ZNF654: variants seen among roughly 807,000 people sequenced by gnomAD.
ZNF654 encodes zinc finger protein 654.
A neutral mutation model predicts 95.3 loss-of-function variants in ZNF654; 19 were observed. The ratio of observed to expected loss-of-function variants is 0.20; its 90% CI spans 0.14 to 0.29. The LOEUF is 0.29. ZNF654 is among the 10% of genes least tolerant of loss of function. The probability of loss-of-function intolerance (pLI) is 1.00; values close to 1 mark genes in which losing one functional copy is unlikely to be tolerated. For missense variants in ZNF654, 1,046 were observed against 1,341.0 expected (o/e 0.78, Z 3.44); for synonymous variants, 413 against 457.9 (o/e 0.90, Z 1.25).
At chr3:88,127,337 G>A (rs575250760) in intron 4 of ZNF654, among the ~76,000 whole-genome samples, 4 of 152,212 alleles carry the variant, frequency 2.6e-5, no homozygotes, top group South Asian at 2.1e-4. Flanking sequence ...GGGATGGGAG[G>A]TGGGACAAGA....
chr3:88,091,422 A>T (rs1294393519), intron 2 of ZNF654, among the ~76,000 whole-genome samples: 1 of 152,240 alleles, frequency 6.6e-6, no homozygotes, highest in Admixed American at 6.5e-5. Context: ...ATTATTCGTA[A>T]GGAAGAAGTA....
chr3:88,077,233 A>G (rs1707854505), intron 1 of ZNF654, among the ~76,000 whole-genome samples: 1 of 152,034 alleles, frequency 6.6e-6, no homozygotes, highest in Non-Finnish European at 1.5e-5. Flanking sequence ...TTCTCAACTC[A>G]TCTCTGTTTC....
Position 88,139,814 on chromosome 3 carries a change from T to C in ZNF654, c.2145T>C (p.Tyr715=), listed in dbSNP as rs747216698. ...DEEGDYEEDD[Y]DLNQETSVIH... is the part of the protein sequence containing the mutation. Reference sequence around the variant, plus strand: ...AAGGTGATTATGAAGAAGATGATTATGACCTGAATCAAGAAACTTCAGTAA... The same window carrying C: ...AAGGTGATTATGAAGAAGATGATTACGACCTGAATCAAGAAACTTCAGTAA... The change falls in exon 8 of 9, where the codon TAT becomes TAC. Residue 715 remains tyrosine (Y), a synonymous_variant. Coordinates refer to ENST00000636215, the MANE Select transcript of ZNF654 (RefSeq NM_001350134.2). 7 of 1,561,472 alleles carry C rather than the reference T, an allele frequency of 4.5e-6. No individual in the cohort carries two copies. The East Asian group carries it at 1.4e-4, about 32-fold the overall frequency.
At chr3:88,121,317 C>T (rs746356517) in intron 3 of ZNF654, among the ~76,000 whole-genome samples, 1 of 151,972 alleles carries the variant, frequency 6.6e-6, no homozygotes, top group Non-Finnish European at 1.5e-5. Context: ...ATTTTTTCAA[C>T]AGAAAATTCT....
chr3:88,100,834 T>C (rs1027341433), intron 2 of ZNF654, among the ~76,000 whole-genome samples: 3 of 152,090 alleles, frequency 2.0e-5, no homozygotes, highest in Admixed American at 6.6e-5. Context: ...CGGGGAGGGA[T>C]AGCATCAGGA....
chr3:88,116,661 C>A (rs1457327729), intron 3 of ZNF654, among the ~76,000 whole-genome samples: 1 of 151,368 alleles, frequency 6.6e-6, no homozygotes, highest in Non-Finnish European at 1.5e-5. Flanking sequence ...TTCATGAGAG[C>A]ATTCTTCCCA....
In ZNF654 at chr3:88,140,386, A is replaced by G. The variant is rs1177981253; in HGVS notation, c.2717A>G (p.Gln906Arg). Residue 906 changes from glutamine (Q) to arginine (R), a missense_variant, in exon 8 of 9, where the codon CAA (glutamine) becomes CGA (arginine). By Grantham distance (43) the Gln-to-Arg change is conservative. Around this residue, in one of 9 missense-constraint regions of ZNF654, gnomAD observed 495 missense variants for 537.0 expected, o/e 0.92. Transcript: ENST00000636215. Reference sequence around the variant, plus strand: ...AAAGACTCATCTAGTAATGAGAAACAAACTATTAGTCTGCCAGTTTCTACT... The same window carrying G: ...AAAGACTCATCTAGTAATGAGAAACGAACTATTAGTCTGCCAGTTTCTACT... ...QEKDSSSNEK[Q>R]TISLPVSTSK... The G allele has an allele frequency of 6.2e-7, 1 of 1,613,104 alleles. No homozygotes were observed. Among genetic ancestry groups the G allele is most frequent in the African/African-American group, 1.3e-5 (1 of 74,884 alleles).
chr3:88,059,516 C>T lies in ZNF654; in HGVS notation c.186+11C>T, dbSNP rs1390036637. The T allele has an allele frequency of 6.8e-7, 1 of 1,462,894 alleles. No individual in the cohort carries two copies. Among genetic ancestry groups the T allele is most frequent in the Non-Finnish European group, 9.0e-7 (1 of 1,115,584 alleles). 90.6% of individuals were successfully genotyped at this position (1,462,894 alleles called of 1,614,324 possible). ...CGACGCTTCTGTCAGGTGAGGCGTCCGTTGGCCGCCCCGACTTGTCACCCG... is the reference window on the plus strand; with the variant it reads ...CGACGCTTCTGTCAGGTGAGGCGTCTGTTGGCCGCCCCGACTTGTCACCCG... On this transcript the variant is annotated intron_variant, in intron 1 of 8. Transcript: ENST00000636215.
At chr3:88,088,759 T>C (rs1708475469) in intron 2 of ZNF654, among the ~76,000 whole-genome samples, 1 of 142,016 alleles carries the variant, frequency 7.0e-6, no homozygotes, top group African/African-American at 2.5e-5. Flanking sequence ...TATGTATGTA[T>C]GTATGGATGG....
chr3:88,139,476 A>C lies in ZNF654; in HGVS notation c.1807A>C (p.Ile603Leu). ...NHVKKIQRQQIAAAQQDDQEV... is the reference protein window; with the variant it reads ...NHVKKIQRQQLAAAQQDDQEV... ...TGTTAAGAAGATACAGAGGCAGCAA[A>C]TTGCTGCAGCTCAACAGGATGATCA... is the stretch of plus-strand genomic sequence containing the variant. The change falls in exon 8 of 9, where the codon ATT (isoleucine) becomes CTT (leucine). Residue 603 changes from isoleucine to leucine, a missense_variant. Physicochemically the swap from Ile to Leu is conservative, Grantham distance 5. This residue lies in a region of ZNF654 where 495 missense variants were observed against 537.0 expected (regional missense o/e 0.92). Transcript: ENST00000636215. The C allele has an allele frequency of 6.2e-7, 1 of 1,613,800 alleles. No individual in the cohort carries two copies. Among genetic ancestry groups the C allele is most frequent in the African/African-American group, 1.3e-5 (1 of 75,062 alleles).
At chr3:88,116,561 T>TACACACACACACAC (rs61470020) in intron 3 of ZNF654, among the ~76,000 whole-genome samples, 10 of 151,030 alleles carry the variant, frequency 6.6e-5, no homozygotes, top group African/African-American at 2.2e-4. Flanking sequence ...TACATATATA[T>TACACACACACACAC]ACACACACAC....
intron 2 of ZNF654, among the ~76,000 whole-genome samples, chr3:88,087,230 A>G (rs2107665171): frequency 6.6e-6 from 1 of 151,416 alleles, no homozygotes; most frequent in South Asian, 2.1e-4. Context: ...GGTGTGCACC[A>G]CCATGCCTGG....
intron 1 of ZNF654, among the ~76,000 whole-genome samples, chr3:88,061,546 G>C (rs1381479885): frequency 6.6e-6 from 1 of 152,068 alleles, no homozygotes; most frequent in Admixed American, 6.5e-5. Context: ...TGAGAGATCT[G>C]CTCTGAGGTT....
At chr3:88,064,876 T>C (rs559922423) in intron 1 of ZNF654, among the ~76,000 whole-genome samples, 1 of 152,352 alleles carries the variant, frequency 6.6e-6, no homozygotes, top group African/African-American at 2.4e-5. Context: ...AATAATAATA[T>C]GAAAGATGAA....
At chr3:88,120,074 T>TAA (rs57135246) in intron 3 of ZNF654, among the ~76,000 whole-genome samples, 39 of 151,252 alleles carry the variant, frequency 2.6e-4, no homozygotes, top group South Asian at 6.3e-4. Context: ...TCTACTTATT[T>TAA]AAAAAAAAAT....
intron 1 of ZNF654, among the ~76,000 whole-genome samples, chr3:88,071,575 G>A (rs1707512462): frequency 6.6e-6 from 1 of 152,208 alleles, no homozygotes; most frequent in Non-Finnish European, 1.5e-5. Context: ...GGCGGAGCTT[G>A]CAGTGAGCTG....
At chr3:88,096,302 G>A (rs4429658) in intron 2 of ZNF654, among the ~76,000 whole-genome samples, 119,015 of 151,900 alleles carry the variant, frequency 0.78, 47,546 homozygotes, top group South Asian at 0.91. Flanking sequence ...GACAAAGGAA[G>A]AAGAAAGTAT....
At chr3:88,119,640 G>A (rs1324824563) in intron 3 of ZNF654, among the ~76,000 whole-genome samples, 3 of 151,170 alleles carry the variant, frequency 2.0e-5, no homozygotes, top group Non-Finnish European at 4.4e-5. Flanking sequence ...TGACTCCAGT[G>A]TTCTTTCTGC....
intron 1 of ZNF654, among the ~76,000 whole-genome samples, chr3:88,073,164 T>C (rs1415606037): frequency 6.6e-6 from 1 of 152,140 alleles, no homozygotes; most frequent in Non-Finnish European, 1.5e-5. Flanking sequence ...TGCAAACTAT[T>C]AGCAGTACAA....
Sources: allele counts gnomAD v4.1 joint callset (sites outside exome capture counted in the v4.1 genomes callset), GRCh38; gene constraint gnomAD v4.1.1; regional missense constraint gnomAD v4.1.1; transcripts MANE v1.5; gene names NCBI Gene and HGNC (gene_info 2026-07-23, HGNC 2026-07-21).